The following TMEM266 variants were observed in gnomAD, a reference collection of about 807,000 sequenced individuals.
TMEM266 encodes the protein transmembrane protein 266.
In TMEM266, 33 loss-of-function variants were observed where a neutral mutation model predicts 50.5. The observed-to-expected ratio is 0.65, with a 90% CI of 0.50 to 0.87. The LOEUF (loss-of-function observed/expected upper bound fraction) is 0.87. Ranked by LOEUF, TMEM266 falls within the 40% of genes least tolerant of loss-of-function variation. TMEM266 has a pLI of 0.00. For synonymous variants in TMEM266, 310 were observed against 292.3 expected, an observed-to-expected ratio of 1.06 and a Z score of -0.62; for missense variants, 655 against 695.1, an observed-to-expected ratio of 0.94 and a Z score of 0.65.
At position 76,203,877 on chromosome 15, in the gene TMEM266, G is replaced by A. The variant is rs755990217; in HGVS notation, c.1158G>A (p.Ser386=). 5.6e-6 allele frequency: 9 copies of A among 1,614,032 alleles called. No homozygotes were observed. Among genetic ancestry groups the A allele is most frequent in the East Asian group, 4.5e-5 (2 of 44,894 alleles). Residue 386 remains serine, a synonymous_variant, in exon 11 of 11, where the codon TCG becomes TCA. Transcript: ENST00000388942. ...GCGGTAATGGCACCAGCGCCACCTCGGAGAGTGCCTCCCGCAGCTCAGTCA... is the reference window on the plus strand; with the variant it reads ...GCGGTAATGGCACCAGCGCCACCTCAGAGAGTGCCTCCCGCAGCTCAGTCA...
intron 1 of TMEM266, among the ~76,000 whole-genome samples, chr15:76,084,182 T>A (rs1389598765): frequency 6.6e-6 from 1 of 152,054 alleles, no homozygotes; most frequent in Non-Finnish European, 1.5e-5. Context: ...GGTGTGGTGA[T>A]ACATGCCTAT....
At chr15:76,097,244 G>T (rs1011365182) in intron 1 of TMEM266, among the ~76,000 whole-genome samples, 1 of 151,948 alleles carries the variant, frequency 6.6e-6, no homozygotes, top group African/African-American at 2.4e-5. Context: ...TTTTGCTGTG[G>T]CTGGTACTGG....
At chr15:76,127,912 A>G (rs1157984581) in intron 1 of TMEM266, among the ~76,000 whole-genome samples, 2 of 152,168 alleles carry the variant, frequency 1.3e-5, no homozygotes, top group Non-Finnish European at 2.9e-5. Flanking sequence ...CGAACACTCC[A>G]GACATACTAA....
chr15:76,148,771 C>T (rs929642244), intron 3 of TMEM266, among the ~76,000 whole-genome samples: 12 of 145,094 alleles, frequency 8.3e-5, no homozygotes, highest in Non-Finnish European at 1.6e-4. Flanking sequence ...TGTTTCCCAG[C>T]GTTGACATTT....
chr15:76,191,665 G>A (rs748497963), intron 8 of TMEM266: 1 of 327,800 alleles, frequency 3.1e-6, no homozygotes. Context: ...CTGACTCCCC[G>A]TCCAGTGGCC....
intron 3 of TMEM266, among the ~76,000 whole-genome samples, chr15:76,150,834 G>C (rs975682044): frequency 8.5e-5 from 13 of 152,350 alleles, no homozygotes; most frequent in African/African-American, 3.1e-4. Flanking sequence ...CGCATATAAA[G>C]CCTCTGCCGG....
At position 76,204,648 on chromosome 15, in the gene TMEM266, T is replaced by G; in HGVS notation, c.*333T>G. 4.9e-6 allele frequency: 1 copy of G among 202,298 alleles called. No individual in the cohort carries two copies. Among genetic ancestry groups the G allele is most frequent in the East Asian group, 1.2e-4 (1 of 8,512 alleles). 12.5% of individuals were successfully genotyped at this position (202,298 alleles called of 1,614,324 possible). Reference sequence around the variant, plus strand: ...AGCTCAGCCTCTTGCGTTGCCTTCGTTCCTGACGCCCACCCTGGACTCTAG... The same window carrying G: ...AGCTCAGCCTCTTGCGTTGCCTTCGGTCCTGACGCCCACCCTGGACTCTAG... On this transcript the variant is annotated 3_prime_UTR_variant, in exon 11 of 11. Coordinates refer to ENST00000388942, the MANE Select transcript of TMEM266 (RefSeq NM_152335.3).
intron 1 of TMEM266, among the ~76,000 whole-genome samples, chr15:76,074,829 G>A (rs1272386245): frequency 6.6e-6 from 1 of 152,056 alleles, no homozygotes; most frequent in African/African-American, 2.4e-5. Context: ...GGGGTAGCTT[G>A]AACCAGGGTG....
chr15:76,106,315 C>T (rs1017850786), intron 1 of TMEM266, among the ~76,000 whole-genome samples: 1 of 152,060 alleles, frequency 6.6e-6, no homozygotes, highest in African/African-American at 2.4e-5. Context: ...TCCTTAACTG[C>T]CCCCCAAACC....
At chr15:76,155,957 C>T (rs563780978) in intron 3 of TMEM266, among the ~76,000 whole-genome samples, 7 of 152,312 alleles carry the variant, frequency 4.6e-5, no homozygotes, top group East Asian at 3.9e-4. Flanking sequence ...ATTGTTTCCA[C>T]GCTGCACTTG....
intron 6 of TMEM266, 32 bp from the exon 7 acceptor site, chr15:76,170,960 GC>G: frequency 1.2e-6 from 2 of 1,601,894 alleles, no homozygotes; most frequent in Admixed American, 1.7e-5. Flanking sequence ...ACACGGCAGG[GC>G]CCAGGGCACT....
At chr15:76,135,333 C>T (rs1367664570) in intron 2 of TMEM266, among the ~76,000 whole-genome samples, 2 of 152,152 alleles carry the variant, frequency 1.3e-5, no homozygotes, top group Non-Finnish European at 2.9e-5. Context: ...CCAGAGGGGG[C>T]CTTGTCTCTC....
At chr15:76,203,205 T>C (rs2038778102) in intron 10 of TMEM266, among the ~76,000 whole-genome samples, 1 of 146,502 alleles carries the variant, frequency 6.8e-6, no homozygotes, top group Non-Finnish European at 1.5e-5. Flanking sequence ...AACTGAGTCA[T>C]TCCTCAGACC....
chr15:76,062,906 C>T (rs76667145), intron 1 of TMEM266, among the ~76,000 whole-genome samples: 2,997 of 152,126 alleles, frequency 0.02, 85 homozygotes, highest in East Asian at 0.15. Context: ...GAAAAGTTTT[C>T]CAAGCTATGA....
chr15:76,147,616 C>A (rs1038098720), intron 3 of TMEM266, among the ~76,000 whole-genome samples: 3 of 152,206 alleles, frequency 2.0e-5, no homozygotes, highest in Non-Finnish European at 4.4e-5. Context: ...AAGGAGAATT[C>A]TTGATGCCCC....
chr15:76,073,693 A>T (rs2036568686), intron 1 of TMEM266, among the ~76,000 whole-genome samples: 1 of 152,264 alleles, frequency 6.6e-6, no homozygotes, highest in Non-Finnish European at 1.5e-5. Context: ...GTATATCTGA[A>T]ACCCTTAATT....
At position 76,156,597 on chromosome 15, in the gene TMEM266, C is replaced by G; in HGVS notation, c.228-7C>G. On this transcript the variant is annotated splice_region_variant and splice_polypyrimidine_tract_variant and intron_variant, in intron 3 of 10. Coordinates refer to ENST00000388942, the MANE Select transcript of TMEM266 (RefSeq NM_152335.3). The stretch of plus-strand genomic sequence containing the variant: ...AGCCTCTCTTCTCCCCACTTTTGTC[C>G]CCACAGGTCTAACTGGCTGAAGCCG... 1 of 1,613,196 alleles carries G rather than the reference C, an allele frequency of 6.2e-7. No homozygotes were observed. The highest frequency in any genetic ancestry group is 8.5e-7 in the Non-Finnish European group (1 of 1,179,828).
intron 1 of TMEM266, among the ~76,000 whole-genome samples, chr15:76,108,010 T>TGG (rs2037110886): frequency 1.3e-5 from 2 of 152,212 alleles, no homozygotes; most frequent in African/African-American, 4.8e-5. Flanking sequence ...TTCTCTTCCT[T>TGG]TCTCCTTACT....
chr15:76,171,226 C>A (rs1226754265), intron 7 of TMEM266, 95 bp downstream of exon 7: 41 of 1,501,610 alleles, frequency 2.7e-5, no homozygotes, highest in Non-Finnish European at 3.6e-5. Flanking sequence ...GTACACCCTG[C>A]TGGCGTCAGG....
Sources: allele counts gnomAD v4.1 joint callset (sites outside exome capture counted in the v4.1 genomes callset), GRCh38; gene constraint gnomAD v4.1.1; transcripts MANE v1.5; gene names NCBI Gene and HGNC (gene_info 2026-07-23, HGNC 2026-07-21).